Variants in PCDH9 observed in about 807,000 individuals in gnomAD.
PCDH9 encodes protocadherin 9, also known as protocadherin-9.
PCDH9 carries 24 observed loss-of-function variants against 70.6 expected under a neutral mutation model. The observed-to-expected ratio is 0.34, with a 90% CI of 0.25 to 0.48. The LOEUF (loss-of-function observed/expected upper bound fraction) is 0.48. Ranked by LOEUF, PCDH9 falls within the 20% of genes least tolerant of loss-of-function variation. PCDH9 has a pLI of 0.99. For missense variants in PCDH9, 1,281 were observed against 1,503.6 expected (o/e 0.85, Z 2.45); for synonymous variants, 562 against 558.5 (o/e 1.01, Z -0.09).
intron 4 of PCDH9, among the ~76,000 whole-genome samples, chr13:66,550,536 C>T (rs539234655): frequency 6.6e-6 from 1 of 152,112 alleles, no homozygotes; most frequent in Non-Finnish European, 1.5e-5. Flanking sequence ...TTCATTCCCT[C>T]CACCATCTTT....
At chr13:66,934,552 A>AG (rs1188128982) in intron 2 of PCDH9, among the ~76,000 whole-genome samples, 2 of 148,896 alleles carry the variant, frequency 1.3e-5, no homozygotes. Flanking sequence ...AAAAAAAAAA[A>AG]AAAAAGAAAA....
intron 2 of PCDH9, among the ~76,000 whole-genome samples, chr13:66,970,139 G>T (rs1216146060): frequency 6.6e-6 from 1 of 152,008 alleles, no homozygotes; most frequent in Non-Finnish European, 1.5e-5. Context: ...GTTCCAGGTT[G>T]ATGCTTCTTT....
At chr13:66,762,477 T>A (rs536571800) in intron 3 of PCDH9, among the ~76,000 whole-genome samples, 1 of 152,048 alleles carries the variant, frequency 6.6e-6, no homozygotes, top group Non-Finnish European at 1.5e-5. Flanking sequence ...TCCTCAAGCT[T>A]ATGATATATT....
intron 2 of PCDH9, among the ~76,000 whole-genome samples, chr13:66,979,355 T>G (rs1157940261): frequency 6.6e-6 from 1 of 152,198 alleles, no homozygotes; most frequent in Non-Finnish European, 1.5e-5. Flanking sequence ...TTGAAACTCC[T>G]TCATATTTTA....
chr13:66,628,233 T>G (rs2077524139), intron 4 of PCDH9, among the ~76,000 whole-genome samples: 1 of 152,222 alleles, frequency 6.6e-6, no homozygotes, highest in African/African-American at 2.4e-5. Flanking sequence ...ATGTTTTATT[T>G]TTTTCTTTCT....
chr13:67,000,481 T>C (rs540017609), intron 2 of PCDH9, among the ~76,000 whole-genome samples: 1 of 110,958 alleles, frequency 9.0e-6, no homozygotes. Flanking sequence ...TAAAGTATAA[T>C]AATAATAAAA....
At chr13:67,138,993 T>C (rs1340765718) in intron 2 of PCDH9, among the ~76,000 whole-genome samples, 2 of 152,146 alleles carry the variant, frequency 1.3e-5, no homozygotes, top group Non-Finnish European at 2.9e-5. Flanking sequence ...GAATCTTGTA[T>C]AGTAAGGATC....
chr13:66,534,972 A>G (rs1434399930), intron 4 of PCDH9, among the ~76,000 whole-genome samples: 2 of 152,066 alleles, frequency 1.3e-5, no homozygotes. Flanking sequence ...AATTTATTGT[A>G]TAAAAATACA....
At chr13:66,555,100 C>T (rs547713037) in intron 4 of PCDH9, among the ~76,000 whole-genome samples, 5 of 151,878 alleles carry the variant, frequency 3.3e-5, no homozygotes, top group Non-Finnish European at 5.9e-5. Flanking sequence ...ACCCGGGAGG[C>T]GGAGGTTGCA....
Position 66,473,917 on chromosome 13 carries a change from G to A in PCDH9, c.3340+157293C>T, listed in dbSNP as rs538110063. On this transcript the variant is annotated intron_variant, in intron 4 of 4. Coordinates refer to ENST00000377865, the MANE Select transcript of PCDH9 (RefSeq NM_203487.3). The stretch of plus-strand genomic sequence containing the variant: ...GTTATCAAACAACACTGCCTTGAAC[G>A]GTTGTCTTAATAAAAGATACAAAAC... 1.7e-4 allele frequency among the ~76,000 whole-genome samples: 26 copies of A among 152,124 alleles called. No homozygotes were observed. The South Asian group carries it at 3.3e-3, about 19-fold the overall frequency.
intron 4 of PCDH9, among the ~76,000 whole-genome samples, chr13:66,411,349 T>A (rs1957365955): frequency 6.6e-6 from 1 of 152,200 alleles, no homozygotes. Context: ...TGCAGTAATG[T>A]GATCACAGCT....
intron 4 of PCDH9, among the ~76,000 whole-genome samples, chr13:66,365,102 C>T (rs1045727424): frequency 1.3e-5 from 2 of 152,150 alleles, no homozygotes; most frequent in African/African-American, 4.8e-5. Context: ...TAATTTATTT[C>T]CTTTGATATG....
intron 2 of PCDH9, among the ~76,000 whole-genome samples, chr13:67,112,428 T>G (rs557656951): frequency 6.6e-6 from 1 of 152,306 alleles, no homozygotes; most frequent in South Asian, 2.1e-4. Flanking sequence ...TACATTCCAC[T>G]ATAACTCTCC....
intron 4 of PCDH9, among the ~76,000 whole-genome samples, chr13:66,381,616 G>A (rs1025503874): frequency 1.3e-5 from 2 of 152,096 alleles, no homozygotes; most frequent in Non-Finnish European, 2.9e-5. Context: ...CTTGGTTGGC[G>A]ATCTTAGAAA....
At chr13:67,066,668 T>C (rs2085655132) in intron 2 of PCDH9, among the ~76,000 whole-genome samples, 1 of 152,166 alleles carries the variant, frequency 6.6e-6, no homozygotes, top group African/African-American at 2.4e-5. Context: ...AGGCCTTTCA[T>C]ACAGAATTTT....
chr13:66,652,583 T>C (rs9540858), intron 3 of PCDH9, among the ~76,000 whole-genome samples: 143,558 of 151,696 alleles, frequency 0.95, 68,474 homozygotes, highest in Non-Finnish European at 1. Flanking sequence ...TGGTTCAATC[T>C]GTAAAAAAAA....
chr13:67,193,364 CACAA>C (rs879647410), intron 2 of PCDH9, among the ~76,000 whole-genome samples: 8 of 138,370 alleles, frequency 5.8e-5, no homozygotes, highest in Non-Finnish European at 1.1e-4. Flanking sequence ...CACACACACA[CACAA>C]CATAGGAGAA....
intron 3 of PCDH9, among the ~76,000 whole-genome samples, chr13:66,817,792 C>T (rs1011918044): frequency 2.6e-5 from 4 of 151,952 alleles, no homozygotes; most frequent in Non-Finnish European, 5.9e-5. Context: ...CATGCCACCA[C>T]CCCCAAGTAA....
intron 3 of PCDH9, among the ~76,000 whole-genome samples, chr13:66,689,258 C>T (rs1016613553): frequency 3.3e-5 from 5 of 151,994 alleles, no homozygotes; most frequent in Non-Finnish European, 7.4e-5. Context: ...AACTAGAGAC[C>T]CCCAATACAG....
Sources: allele counts gnomAD v4.1 joint callset (sites outside exome capture counted in the v4.1 genomes callset), GRCh38; gene constraint gnomAD v4.1.1; transcripts MANE v1.5; gene names NCBI Gene and HGNC (gene_info 2026-07-23, HGNC 2026-07-21).